NRG3: variants seen among roughly 807,000 people sequenced by gnomAD.
NRG3 encodes the protein pro-neuregulin-3, membrane-bound isoform.
A neutral mutation model predicts 66.9 loss-of-function variants in NRG3; 31 were observed. That is an observed-to-expected ratio of 0.46 (90% confidence interval 0.35 to 0.63). The LOEUF is 0.63. Ranked by LOEUF, NRG3 falls within the 20% of genes least tolerant of loss-of-function variation. NRG3 has a pLI of 0.00. For synonymous variants in NRG3, 393 were observed against 359.4 expected, an observed-to-expected ratio of 1.09 and a Z score of -1.06; for missense variants, 910 against 878.9, an observed-to-expected ratio of 1.04 and a Z score of -0.45.
chr10:82,876,038 AAAG>A (rs780173536), intron 4 of NRG3, among the ~76,000 whole-genome samples: 3 of 152,216 alleles, frequency 2.0e-5, no homozygotes, highest in Non-Finnish European at 2.9e-5. Context: ...TGATTTCTAC[AAAG>A]AAGAACATGA....
At chr10:82,048,780 A>G (rs1374058902) in intron 1 of NRG3, among the ~76,000 whole-genome samples, 10 of 151,662 alleles carry the variant, frequency 6.6e-5, no homozygotes, top group Admixed American at 2.0e-4. Context: ...AGAGACACAA[A>G]AAACCCTTCA....
At chr10:82,699,540 T>G (rs564042670) in intron 2 of NRG3, among the ~76,000 whole-genome samples, 19 of 152,176 alleles carry the variant, frequency 1.2e-4, no homozygotes, top group Non-Finnish European at 2.6e-4. Context: ...CCTTCTAAAC[T>G]ATTGGCCAAT....
At chr10:82,087,950 ATGTTCACATT>A (rs147209304) in intron 1 of NRG3, among the ~76,000 whole-genome samples, 1,921 of 152,234 alleles carry the variant, frequency 0.013, 29 homozygotes, top group African/African-American at 0.036. Context: ...TGAGAAAAAG[ATGTTCACATT>A]TCCCGGCTGG....
chr10:82,016,885 C>G (rs1489528470), intron 1 of NRG3, among the ~76,000 whole-genome samples: 1 of 152,062 alleles, frequency 6.6e-6, no homozygotes, highest in African/African-American at 2.4e-5. Flanking sequence ...AAATGAAAAG[C>G]AGGATTTCTT....
At chr10:82,149,928 A>G (rs1399378460) in intron 1 of NRG3, among the ~76,000 whole-genome samples, 2 of 152,112 alleles carry the variant, frequency 1.3e-5, no homozygotes, top group Non-Finnish European at 2.9e-5. Flanking sequence ...GCCGACCTTT[A>G]ACTACAGTCC....
At chr10:82,816,954 T>A (rs1410172273) in intron 3 of NRG3, among the ~76,000 whole-genome samples, 1 of 152,254 alleles carries the variant, frequency 6.6e-6, no homozygotes, top group Non-Finnish European at 1.5e-5. Flanking sequence ...TGTGGGTATT[T>A]TCATAAATGA....
rs544173434 is a variant in NRG3 at position 82,581,352 on chromosome 10, C to T, written c.954-157225C>T. Among the ~76,000 whole-genome samples, 25 of 152,010 alleles carry T rather than the reference C, an allele frequency of 1.6e-4. No homozygotes were observed. In the South Asian group the frequency reaches 1.7e-3, roughly 10 times the overall value. ...ATACAAGTTCTTTCTCAGACAGATA[C>T]GTGTTTTGCAAATATTTTCTCCCAG... On this transcript the variant is annotated intron_variant, in intron 2 of 8. Coordinates refer to ENST00000372141, the MANE Select transcript of NRG3 (RefSeq NM_001010848.4).
chr10:82,580,546 A>T (rs530680898), intron 2 of NRG3, among the ~76,000 whole-genome samples: 1 of 152,062 alleles, frequency 6.6e-6, no homozygotes, highest in African/African-American at 2.4e-5. Context: ...TCTTTCATCT[A>T]TTCATCCCTC....
At chr10:82,514,538 GTCTA>G (rs1042807055) in intron 2 of NRG3, among the ~76,000 whole-genome samples, 5 of 152,026 alleles carry the variant, frequency 3.3e-5, no homozygotes, top group African/African-American at 9.7e-5. Context: ...TGTTCCATTG[GTCTA>G]TCTGTCTGTT....
At chr10:82,510,932 A>G (rs1384800060) in intron 2 of NRG3, among the ~76,000 whole-genome samples, 7 of 152,194 alleles carry the variant, frequency 4.6e-5, no homozygotes, top group Admixed American at 4.6e-4. Context: ...GGCACTTCCA[A>G]GAGGCCCAGG....
chr10:82,256,678 G>T (rs1264302676), intron 1 of NRG3, among the ~76,000 whole-genome samples: 3 of 152,074 alleles, frequency 2.0e-5, no homozygotes, highest in Non-Finnish European at 4.4e-5. Context: ...TTGAACTGGG[G>T]AATATTGATG....
At chr10:82,620,014 C>T (rs1411908759) in intron 2 of NRG3, among the ~76,000 whole-genome samples, 1 of 152,176 alleles carries the variant, frequency 6.6e-6, no homozygotes, top group East Asian at 1.9e-4. Flanking sequence ...GCCCCATTTA[C>T]TTGGCCTGTC....
At chr10:82,302,345 A>G (rs568005887) in intron 1 of NRG3, among the ~76,000 whole-genome samples, 8 of 152,282 alleles carry the variant, frequency 5.3e-5, no homozygotes, top group African/African-American at 1.9e-4. Flanking sequence ...ATTCCTAGCC[A>G]CAATTTATCA....
At chr10:81,999,537 T>G (rs764645693) in intron 1 of NRG3, among the ~76,000 whole-genome samples, 24 of 152,190 alleles carry the variant, frequency 1.6e-4, no homozygotes, top group Non-Finnish European at 2.4e-4. Context: ...GGTCAGGTCA[T>G]TTTGTAAAAA....
chr10:82,917,992 ATGTATG>A (rs201775906), intron 4 of NRG3, among the ~76,000 whole-genome samples: 3,806 of 103,706 alleles, frequency 0.037, 130 homozygotes, highest in East Asian at 0.23. Flanking sequence ...ATATATATAT[ATGTATG>A]TATGTATCTC....
intron 1 of NRG3, among the ~76,000 whole-genome samples, chr10:82,171,783 A>G (rs911988616): frequency 2.0e-5 from 3 of 152,186 alleles, no homozygotes; most frequent in Admixed American, 6.6e-5. Flanking sequence ...TCCACGTTTC[A>G]TGTAGCAGGA....
At chr10:82,944,501 AT>A (rs1313085649) in intron 4 of NRG3, among the ~76,000 whole-genome samples, 1 of 152,176 alleles carries the variant, frequency 6.6e-6, no homozygotes, top group African/African-American at 2.4e-5. Context: ...CAACTGGAAA[AT>A]TTAATGAACT....
At chr10:82,701,075 T>A (rs1360372617) in intron 2 of NRG3, among the ~76,000 whole-genome samples, 1 of 151,952 alleles carries the variant, frequency 6.6e-6, no homozygotes, top group Non-Finnish European at 1.5e-5. Flanking sequence ...TAGATGAAGA[T>A]ATTTTATAAA....
intron 2 of NRG3, among the ~76,000 whole-genome samples, chr10:82,553,719 G>A (rs2044474777): frequency 6.6e-6 from 1 of 152,150 alleles, no homozygotes; most frequent in Non-Finnish European, 1.5e-5. Flanking sequence ...TGAATGAGTA[G>A]GGTGGGGGAA....
Sources: gnomAD v4.1 joint callset for allele counts (sites outside exome capture counted in the v4.1 genomes callset) on GRCh38, gnomAD v4.1.1 for gene constraint, MANE v1.5 for transcripts, NCBI Gene and HGNC (gene_info 2026-07-23, HGNC 2026-07-21) for gene names.